Variants in RYR2 observed in about 807,000 individuals in gnomAD.
RYR2 encodes the protein ryanodine receptor 2.
RYR2 carries 227 observed loss-of-function variants against 601.1 expected under a neutral mutation model. That is an observed-to-expected ratio of 0.38 (90% CI 0.34 to 0.42). The LOEUF (loss-of-function observed/expected upper bound fraction) is 0.42, where lower values mean the gene tolerates loss of function less well. Ranked by LOEUF, RYR2 falls within the 10% of genes least tolerant of loss-of-function variation. The pLI is 1.00. For missense variants in RYR2, 4,646 were observed against 6,156.5 expected (o/e 0.75, Z 8.21); for synonymous variants, 2,223 against 2,175.1 (o/e 1.02, Z -0.61).
At chr1:237,278,146 C>T (rs1690475713) in intron 2 of RYR2, among the ~76,000 whole-genome samples, 2 of 151,496 alleles carry the variant, frequency 1.3e-5, no homozygotes, top group South Asian at 4.2e-4. Context: ...TCTTGGCTCA[C>T]TGTAGTATCT....
At position 237,638,804 on chromosome 1, in the gene RYR2, A is replaced by G. The variant is rs560280554; in HGVS notation, c.6929-211A>G. Among the ~76,000 whole-genome samples the G allele has an allele frequency of 2.6e-5, 4 of 152,326 alleles. No homozygotes were observed. In the East Asian group the frequency reaches 5.8e-4, roughly 22 times the overall value. On this transcript the variant is annotated intron_variant, in intron 45 of 104. Transcript: ENST00000366574. ...GTGAGAATCAATAGTTTATGCCTCCATAATGCTTTACTCTGAAAATTTTTA... is the reference window on the plus strand; with the variant it reads ...GTGAGAATCAATAGTTTATGCCTCCGTAATGCTTTACTCTGAAAATTTTTA...
At chr1:237,217,994 G>GTA (rs1328651301) in intron 1 of RYR2, among the ~76,000 whole-genome samples, 2 of 152,182 alleles carry the variant, frequency 1.3e-5, no homozygotes, top group Non-Finnish European at 2.9e-5. Context: ...TATAAAATCT[G>GTA]TACCTTGATA....
In RYR2 at chr1:237,246,961, C is replaced by T. The variant is rs952750177; in HGVS notation, c.49-23536C>T. ...GTGGAAGATGCATACAAAGTTTCGT[C>T]TCAGTTACCACCTTATTTCTTGTGG... On this transcript the variant is annotated intron_variant, in intron 1 of 104. Transcript: ENST00000366574. Among the ~76,000 whole-genome samples, 3 of 152,230 alleles carry T rather than the reference C, an allele frequency of 2.0e-5. No individual in the cohort carries two copies. In the South Asian group the frequency reaches 6.2e-4, roughly 32 times the overall value.
intron 1 of RYR2, among the ~76,000 whole-genome samples, chr1:237,203,287 T>C (rs1373823920): frequency 6.6e-6 from 1 of 152,220 alleles, no homozygotes; most frequent in Non-Finnish European, 1.5e-5. Flanking sequence ...GAATAGTTCC[T>C]AGGGTATAGT....
At chr1:237,083,959 G>A (rs1248665264) in intron 1 of RYR2, among the ~76,000 whole-genome samples, 2 of 152,170 alleles carry the variant, frequency 1.3e-5, no homozygotes, top group Admixed American at 6.5e-5. Flanking sequence ...GTGGACACAC[G>A]TGGCATATGG....
At chr1:237,816,846 A>G (rs1661898196) in intron 100 of RYR2, among the ~76,000 whole-genome samples, 1 of 152,170 alleles carries the variant, frequency 6.6e-6, no homozygotes, top group Non-Finnish European at 1.5e-5. Context: ...CAAGTTTTGA[A>G]AAACTACAGC....
chr1:237,222,408 A>G (rs1683915024), intron 1 of RYR2, among the ~76,000 whole-genome samples: 1 of 123,852 alleles, frequency 8.1e-6, no homozygotes, highest in Non-Finnish European at 1.8e-5. Flanking sequence ...TTGAGACTCC[A>G]TCTCAAAAAA....
chr1:237,054,403 G>A (rs1248999263), intron 1 of RYR2, among the ~76,000 whole-genome samples: 3 of 141,690 alleles, frequency 2.1e-5, no homozygotes, highest in Non-Finnish European at 4.5e-5. Flanking sequence ...ATGATTTATG[G>A]CTGTCCTATC....
Position 237,595,577 on chromosome 1 carries a change from G to A in RYR2, c.4516G>A (p.Glu1506Lys). The change falls in exon 34 of 105, where the codon GAG (glutamate) becomes AAG (lysine). Residue 1506 changes from glutamate to lysine, a missense_variant. This residue lies in a region of RYR2 where 1,807 missense variants were observed against 2,088.1 expected (regional missense o/e 0.87). Transcript: ENST00000366574. ...PGQGRNNNGL[E>K]IGCVVDAASG... Reference sequence around the variant, plus strand: ...GCAAGGACGCAACAATAATGGACTGGAGATTGGCTGTGTGGTGGATGCTGC... The same window carrying A: ...GCAAGGACGCAACAATAATGGACTGAAGATTGGCTGTGTGGTGGATGCTGC... 6.2e-7 allele frequency: 1 copy of A among 1,613,590 alleles called. No homozygotes were observed. The highest frequency in any genetic ancestry group is 8.5e-7 in the Non-Finnish European group (1 of 1,179,716).
chr1:237,815,775 C>A (rs1661752926), intron 100 of RYR2, among the ~76,000 whole-genome samples: 1 of 152,194 alleles, frequency 6.6e-6, no homozygotes, highest in African/African-American at 2.4e-5. Context: ...GTGAATCATT[C>A]TTTTGGGGAC....
chr1:237,680,742 T>C (rs555679166), intron 62 of RYR2, among the ~76,000 whole-genome samples, 165 bp downstream of exon 62: 15 of 152,176 alleles, frequency 9.9e-5, no homozygotes, highest in Non-Finnish European at 5.9e-5. Flanking sequence ...TTCTACAAGT[T>C]TGGATATGTG....
At chr1:237,695,968 C>G (rs1452889354) in intron 63 of RYR2, among the ~76,000 whole-genome samples, 2 of 152,200 alleles carry the variant, frequency 1.3e-5, no homozygotes, top group African/African-American at 4.8e-5. Context: ...AGTCAACCCA[C>G]AGAATTTGTC....
At chr1:237,770,998 A>G in intron 85 of RYR2, 111 bp downstream of exon 85, 1 of 575,652 alleles carries the variant, frequency 1.7e-6, no homozygotes, top group South Asian at 2.6e-5. Flanking sequence ...GAGACAACAA[A>G]TCATTCTAGA....
At position 237,084,444 on chromosome 1, in the gene RYR2, TATA is replaced by T. The variant is rs1407015502; in HGVS notation, c.48+41878_48+41880del. Among the ~76,000 whole-genome samples the T allele has an allele frequency of 1.1e-4, 17 of 152,206 alleles. 1 individual carries two copies. Among genetic ancestry groups the T allele is most frequent in the Admixed American group, 1.0e-3 (16 of 15,286 alleles). Reference sequence around the variant, plus strand: ...GGCACTTGTAAGAAAGCCGAACATGTATAATGACGTACATAATTCTTATAGGCA... The same window carrying T: ...GGCACTTGTAAGAAAGCCGAACATGTATGACGTACATAATTCTTATAGGCA... On this transcript the variant is annotated intron_variant, in intron 1 of 104. Transcript: ENST00000366574.
intron 6 of RYR2, among the ~76,000 whole-genome samples, chr1:237,369,890 A>G (rs1700502860): frequency 6.6e-6 from 1 of 152,198 alleles, no homozygotes; most frequent in Admixed American, 6.5e-5. Flanking sequence ...GAGTCAAATA[A>G]GAGATATTTT....
intron 1 of RYR2, among the ~76,000 whole-genome samples, chr1:237,104,981 AG>A (rs1388175470): frequency 1.3e-5 from 2 of 152,176 alleles, no homozygotes; most frequent in Non-Finnish European, 2.9e-5. Flanking sequence ...TGGGAATTTC[AG>A]GCTTTCTGGC....
At chr1:237,298,829 G>A (rs1693068860) in intron 2 of RYR2, among the ~76,000 whole-genome samples, 2 of 151,894 alleles carry the variant, frequency 1.3e-5, no homozygotes, top group Admixed American at 1.3e-4. Context: ...GCAAGACCCC[G>A]TTTCTACAAA....
intron 38 of RYR2, among the ~76,000 whole-genome samples, chr1:237,619,069 T>A (rs1678799897): frequency 6.6e-6 from 1 of 152,018 alleles, no homozygotes. Flanking sequence ...CTGGATGGGG[T>A]CAGAGGAAAC....
At chr1:237,509,446 C>T (rs560193578) in intron 23 of RYR2, among the ~76,000 whole-genome samples, 1 of 152,284 alleles carries the variant, frequency 6.6e-6, no homozygotes, top group Non-Finnish European at 1.5e-5. Context: ...GCAATTTATA[C>T]TTAGCTACCC....
Sources: gnomAD v4.1 joint callset for allele counts (sites outside exome capture counted in the v4.1 genomes callset) on GRCh38, gnomAD v4.1.1 for gene constraint, gnomAD v4.1.1 regional missense constraint, MANE v1.5 for transcripts, NCBI Gene and HGNC (gene_info 2026-07-23, HGNC 2026-07-21) for gene names.